OSBPL8: variants seen among roughly 807,000 people sequenced by gnomAD.
OSBPL8 encodes oxysterol binding protein like 8.
In OSBPL8, 59 loss-of-function variants were observed where a neutral mutation model predicts 125.5. The ratio of observed to expected loss-of-function variants is 0.47; its 90% confidence interval spans 0.38 to 0.58. The LOEUF is 0.58. Ranked by LOEUF, OSBPL8 falls within the 20% of genes least tolerant of loss-of-function variation. OSBPL8 has a pLI of 0.00. For synonymous variants in OSBPL8, 330 were observed against 338.9 expected (o/e 0.97, Z 0.29); for missense variants, 758 against 1,047.8 (o/e 0.72, Z 3.82).
At chr12:76,378,362 C>T (rs886459162) in intron 16 of OSBPL8, 90 bp downstream of exon 16, 4 of 861,756 alleles carry the variant, frequency 4.6e-6, no homozygotes, top group Non-Finnish European at 7.2e-6. Flanking sequence ...AAGTCTGACT[C>T]CATCAATCAC....
chr12:76,492,865 C>T (rs1042952117), intron 1 of OSBPL8, among the ~76,000 whole-genome samples: 2 of 151,950 alleles, frequency 1.3e-5, no homozygotes, highest in African/African-American at 4.8e-5. Flanking sequence ...CTGGTCTGTG[C>T]AAAACCTGTC....
intron 1 of OSBPL8, among the ~76,000 whole-genome samples, chr12:76,515,213 C>T (rs1178937708): frequency 6.6e-6 from 1 of 152,212 alleles, no homozygotes; most frequent in Non-Finnish European, 1.5e-5. Context: ...TCGCAGGACA[C>T]TCTGGCCATT....
rs190117180 is a variant in OSBPL8, at chr12:76,352,043, C to T, written c.*3846G>A. 1 of 152,410 alleles carries T rather than the reference C, an allele frequency of 6.6e-6. No individual in the cohort carries two copies. Among genetic ancestry groups the T allele is most frequent in the East Asian group, 1.9e-4 (1 of 5,178 alleles). The allele number at this position is 152,410 out of a possible 1,614,324, so 9.4% of individuals were successfully genotyped here. A position where few individuals can be genotyped will look rare whatever the true frequency, so the allele number is the denominator to read the frequency against. ...GGTAACATATTTTTATTCTATCACACAAAACTGACCAGTGGTAGTGCTTGA... is the reference window on the plus strand; with the variant it reads ...GGTAACATATTTTTATTCTATCACATAAAACTGACCAGTGGTAGTGCTTGA... On this transcript the variant is annotated 3_prime_UTR_variant, in exon 24 of 24. Transcript: ENST00000261183.
At chr12:76,507,829 A>C (rs1880564114) in intron 1 of OSBPL8, among the ~76,000 whole-genome samples, 1 of 150,780 alleles carries the variant, frequency 6.6e-6, no homozygotes, top group Non-Finnish European at 1.5e-5. Flanking sequence ...ATCTCAAAAA[A>C]GGCAAAAATG....
At chr12:76,468,369 A>G (rs1875714867) in intron 2 of OSBPL8, among the ~76,000 whole-genome samples, 1 of 152,172 alleles carries the variant, frequency 6.6e-6, no homozygotes, top group African/African-American at 2.4e-5. Flanking sequence ...CTCAAACTCC[A>G]CTTAGCTAAA....
At chr12:76,418,399 TG>T (rs1156752751) in intron 4 of OSBPL8, among the ~76,000 whole-genome samples, 2 of 152,200 alleles carry the variant, frequency 1.3e-5, no homozygotes, top group African/African-American at 2.4e-5. Context: ...GGTACTTTAT[TG>T]AAGCCAAATT....
At chr12:76,434,589 C>T (rs1033701565) in intron 4 of OSBPL8, among the ~76,000 whole-genome samples, 1 of 152,044 alleles carries the variant, frequency 6.6e-6, no homozygotes, top group African/African-American at 2.4e-5. Flanking sequence ...AAAATATTTA[C>T]AAACCATGTA....
chr12:76,541,266 G>A (rs967637606), intron 1 of OSBPL8, among the ~76,000 whole-genome samples: 2 of 152,036 alleles, frequency 1.3e-5, no homozygotes, highest in African/African-American at 4.8e-5. Context: ...ATCACATAAG[G>A]CCAGCAGTTT....
chr12:76,559,373 C>T (rs971433246), intron 1 of OSBPL8, 24 bp downstream of exon 1: 26 of 152,400 alleles, frequency 1.7e-4, no homozygotes, highest in African/African-American at 6.3e-4. Flanking sequence ...AGCACCCCAA[C>T]CTCAGGAATG....
At chr12:76,410,472 C>T in intron 5 of OSBPL8, 92 bp downstream of exon 5, 1 of 925,084 alleles carries the variant, frequency 1.1e-6, no homozygotes, top group South Asian at 1.5e-5. Context: ...ATAAAAACAT[C>T]ACAAAAAAGC....
intron 19 of OSBPL8, 164 bp downstream of exon 19, chr12:76,371,284 T>C (rs1312019894): frequency 4.4e-6 from 3 of 675,316 alleles, no homozygotes; most frequent in East Asian, 6.4e-5. Flanking sequence ...TATATTATAT[T>C]TGACATTCAT....
intron 4 of OSBPL8, among the ~76,000 whole-genome samples, chr12:76,440,725 T>C (rs1171204261): frequency 6.6e-6 from 1 of 152,172 alleles, no homozygotes; most frequent in Non-Finnish European, 1.5e-5. Flanking sequence ...CTAAGTACGT[T>C]ACCCTTCAGG....
At chr12:76,455,434 T>C (rs1300468795) in intron 3 of OSBPL8, among the ~76,000 whole-genome samples, 2 of 152,250 alleles carry the variant, frequency 1.3e-5, no homozygotes, top group Non-Finnish European at 2.9e-5. Context: ...GCAGAATTAA[T>C]GTAGGTTTTA....
intron 12 of OSBPL8, 144 bp downstream of exon 12, chr12:76,389,501 G>A (rs967321231): frequency 1.0e-5 from 6 of 602,650 alleles, no homozygotes; most frequent in Non-Finnish European, 1.6e-5. Context: ...CTTACTAAGG[G>A]TCAACCACAG....
intron 4 of OSBPL8, among the ~76,000 whole-genome samples, chr12:76,449,278 CACAGG>C (rs1873092113): frequency 1.3e-5 from 2 of 152,064 alleles, no homozygotes; most frequent in Non-Finnish European, 2.9e-5. Context: ...TGAGTAGTAC[CACAGG>C]AGATTTCCGT....
chr12:76,500,512 T>G (rs527993708), intron 1 of OSBPL8, among the ~76,000 whole-genome samples: 22 of 152,338 alleles, frequency 1.4e-4, no homozygotes, highest in African/African-American at 5.1e-4. Context: ...TTTTAAAATT[T>G]GTTTATATAA....
At chr12:76,483,310 C>G (rs1470780838) in intron 2 of OSBPL8, among the ~76,000 whole-genome samples, 1 of 147,058 alleles carries the variant, frequency 6.8e-6, no homozygotes, top group African/African-American at 2.5e-5. Flanking sequence ...TGTCTGTAAT[C>G]CTAGCACTTT....
At chr12:76,460,467 A>G (rs990890501) in intron 2 of OSBPL8, among the ~76,000 whole-genome samples, 1 of 151,850 alleles carries the variant, frequency 6.6e-6, no homozygotes, top group East Asian at 1.9e-4. Context: ...AGGCATCAAC[A>G]AAGTAGAACA....
At chr12:76,516,902 C>T (rs1278078588) in intron 1 of OSBPL8, among the ~76,000 whole-genome samples, 1 of 151,674 alleles carries the variant, frequency 6.6e-6, no homozygotes, top group Non-Finnish European at 1.5e-5. Context: ...ACAACCTCCA[C>T]CTCCTGGGTT....
Sources: gnomAD v4.1 joint callset for allele counts (sites outside exome capture counted in the v4.1 genomes callset) on GRCh38, gnomAD v4.1.1 for gene constraint, MANE v1.5 for transcripts, NCBI Gene and HGNC (gene_info 2026-07-23, HGNC 2026-07-21) for gene names.